Variants in ARID1B observed in about 807,000 individuals in gnomAD.
ARID1B encodes the protein AT-rich interaction domain 1B, also known as AT-rich interactive domain-containing protein 1B.
In ARID1B, 30 loss-of-function variants were observed where a neutral mutation model predicts 212.3. The observed-to-expected ratio is 0.14, with a 90% CI of 0.11 to 0.19. ARID1B has a LOEUF of 0.19. Ranked by LOEUF, ARID1B falls within the 10% of genes least tolerant of loss-of-function variation. The pLI is 1.00. For synonymous variants in ARID1B, 1,402 were observed against 1,301.7 expected, an observed-to-expected ratio of 1.08 and a Z score of -1.66; for missense variants, 2,891 against 3,204.0, an observed-to-expected ratio of 0.90 and a Z score of 2.36.
At chr6:157,021,790 A>G (rs929916771) in intron 4 of ARID1B, among the ~76,000 whole-genome samples, 1 of 151,622 alleles carries the variant, frequency 6.6e-6, no homozygotes, top group Non-Finnish European at 1.5e-5. Flanking sequence ...CGTGTTTTCT[A>G]AAGTTTCTGC....
intron 4 of ARID1B, among the ~76,000 whole-genome samples, chr6:157,021,717 A>ACCGTCCGCCCCGCGCGCCCGCAGGCT (rs1188541296): frequency 5.9e-5 from 9 of 151,920 alleles, no homozygotes; most frequent in African/African-American, 2.2e-4. Context: ...GCCTGCAGGC[A>ACCGTCCGCCCCGCGCGCCCGCAGGCT]CCGTCCGCCC....
At chr6:156,908,055 ACC>A (rs1019859310) in intron 3 of ARID1B, among the ~76,000 whole-genome samples, 1 of 151,750 alleles carries the variant, frequency 6.6e-6, no homozygotes. Flanking sequence ...CTTTTGTCTT[ACC>A]CCTGATTTTT....
chr6:156,905,894 G>A (rs1453972226), intron 3 of ARID1B, among the ~76,000 whole-genome samples: 1 of 152,052 alleles, frequency 6.6e-6, no homozygotes, highest in Non-Finnish European at 1.5e-5. Flanking sequence ...TGTGAAACAG[G>A]GTACTTAGAA....
chr6:156,802,366 T>A lies in ARID1B; in HGVS notation c.1791+22895T>A, dbSNP rs548171942. On this transcript the variant is annotated intron_variant, in intron 1 of 19. Transcript: ENST00000636930. ...GTTAGTTATTTATGTTCATATTCTT[T>A]CGTATTCATTCATTGTGTTTCATTC... Among the ~76,000 whole-genome samples, 5 of 152,392 alleles carry A rather than the reference T, an allele frequency of 3.3e-5. No homozygotes were observed. The South Asian group carries it at 1.0e-3, about 32-fold the overall frequency.
intron 4 of ARID1B, among the ~76,000 whole-genome samples, chr6:157,064,574 A>G (rs957146145): frequency 6.6e-6 from 1 of 152,212 alleles, no homozygotes; most frequent in Non-Finnish European, 1.5e-5. Context: ...AACCCAATCC[A>G]AAGTCTGTCA....
chr6:157,202,254 AG>A (rs1366598538), intron 18 of ARID1B, among the ~76,000 whole-genome samples: 1 of 152,242 alleles, frequency 6.6e-6, no homozygotes, highest in African/African-American at 2.4e-5. Flanking sequence ...AAGTACACAC[AG>A]GGTTTCTGCA....
intron 3 of ARID1B, among the ~76,000 whole-genome samples, chr6:156,928,913 T>C (rs991597694): frequency 6.6e-6 from 1 of 152,252 alleles, no homozygotes. Flanking sequence ...TAGGGGAATA[T>C]ATGAAGCCCA....
At position 157,153,858 on chromosome 6, in the gene ARID1B, A is replaced by G. The variant is rs540035328; in HGVS notation, c.3089+4907A>G. ...TCTCACTATGTTGCCCAGGCTGGTC[A>G]TGAACTCCTAGCCTCAAGCAATCCT... On this transcript the variant is annotated intron_variant, in intron 8 of 19. Transcript: ENST00000636930. 2.6e-5 allele frequency among the ~76,000 whole-genome samples: 4 copies of G among 152,184 alleles called. No individual in the cohort carries two copies. In the South Asian group the frequency reaches 8.3e-4, roughly 32 times the overall value.
At chr6:157,156,451 T>C (rs141970645) in intron 8 of ARID1B, among the ~76,000 whole-genome samples, 3,674 of 152,308 alleles carry the variant, frequency 0.024, 143 homozygotes, top group African/African-American at 0.082. Context: ...TTAAAACTTT[T>C]AGAATTACAG....
chr6:157,125,298 C>G (rs1239390946), intron 6 of ARID1B, among the ~76,000 whole-genome samples: 2 of 152,074 alleles, frequency 1.3e-5, no homozygotes, highest in Non-Finnish European at 2.9e-5. Flanking sequence ...TGGAGATGCT[C>G]AAAGCTTAGA....
At chr6:157,176,708 T>C (rs1242128983) in intron 11 of ARID1B, among the ~76,000 whole-genome samples, 1 of 152,096 alleles carries the variant, frequency 6.6e-6, no homozygotes, top group Non-Finnish European at 1.5e-5. Flanking sequence ...GAGCCAGGCA[T>C]GGTGATGGGT....
Position 157,208,627 on chromosome 6 carries a change from C to A in ARID1B, c.*736C>A. On this transcript the variant is annotated 3_prime_UTR_variant, in exon 20 of 20. Transcript: ENST00000636930. ...CGTGACAGTTCTTCACAATTCCTTT[C>A]ATCATTTTTTAAATATTTTTTTTAC... The A allele has an allele frequency of 4.4e-6, 1 of 229,270 alleles. No homozygotes were observed. Among genetic ancestry groups the A allele is most frequent in the Non-Finnish European group, 8.7e-6 (1 of 115,460 alleles). 14.2% of individuals were successfully genotyped at this position (229,270 alleles called of 1,614,324 possible).
chr6:156,849,739 G>A (rs1188380947), intron 2 of ARID1B, among the ~76,000 whole-genome samples: 1 of 151,790 alleles, frequency 6.6e-6, no homozygotes, highest in Non-Finnish European at 1.5e-5. Flanking sequence ...AGCTTTTTTG[G>A]TTTTCTTTTG....
intron 2 of ARID1B, among the ~76,000 whole-genome samples, chr6:156,882,982 G>A (rs1008652529): frequency 6.6e-6 from 1 of 152,236 alleles, no homozygotes; most frequent in African/African-American, 2.4e-5. Context: ...CGGGGAACCC[G>A]AAAAGAGGGA....
chr6:157,208,715 C>CCT lies in ARID1B; in HGVS notation c.*824_*825insCT, dbSNP rs1466138454. On this transcript the variant is annotated 3_prime_UTR_variant, in exon 20 of 20. Coordinates refer to ENST00000636930, the MANE Select transcript of ARID1B (RefSeq NM_001374828.1). The stretch of plus-strand genomic sequence containing the variant: ...AAACATACCCTCATTTTTTTCTTTT[C>CCT]TTTTTTTTTTTTTTTTTTAGTACAA... 1.4e-5 allele frequency: 2 copies of CCT among 140,060 alleles called. No homozygotes were observed. The highest frequency in any genetic ancestry group is 7.1e-5 in the African/African-American group (2 of 28,036). 8.7% of individuals were successfully genotyped at this position (140,060 alleles called of 1,614,324 possible). A position where few individuals can be genotyped will look rare whatever the true frequency, so the allele number is the denominator to read the frequency against.
intron 8 of ARID1B, chr6:157,150,934 G>T (rs1038269640): frequency 5.8e-6 from 1 of 171,782 alleles, no homozygotes; most frequent in South Asian, 2.0e-4. Flanking sequence ...GTCTGGCCGC[G>T]AAAGGAACAC....
At chr6:156,811,153 T>A (rs1781527900) in intron 1 of ARID1B, among the ~76,000 whole-genome samples, 1 of 152,202 alleles carries the variant, frequency 6.6e-6, no homozygotes, top group African/African-American at 2.4e-5. Flanking sequence ...GCCTGGACCC[T>A]CTTTTAAAGG....
chr6:157,093,339 C>T (rs1031091450), intron 5 of ARID1B, among the ~76,000 whole-genome samples: 20 of 152,094 alleles, frequency 1.3e-4, no homozygotes, highest in Admixed American at 5.9e-4. Flanking sequence ...GTTTATTTCC[C>T]AGTCTTCTGA....
At chr6:157,144,643 A>G (rs910104186) in intron 7 of ARID1B, among the ~76,000 whole-genome samples, 9 of 151,498 alleles carry the variant, frequency 5.9e-5, no homozygotes, top group African/African-American at 2.0e-4. Flanking sequence ...CTCACAGGGA[A>G]AAGTCGTGAG....
Sources: allele counts gnomAD v4.1 joint callset (sites outside exome capture counted in the v4.1 genomes callset), GRCh38; gene constraint gnomAD v4.1.1; transcripts MANE v1.5; gene names NCBI Gene and HGNC (gene_info 2026-07-23, HGNC 2026-07-21).